The following STK32A variants were observed in gnomAD, a reference collection of about 807,000 sequenced individuals.
The protein encoded by STK32A is serine/threonine-protein kinase 32A.
STK32A carries 41 observed loss-of-function variants against 53.2 expected under a neutral mutation model. The observed-to-expected ratio is 0.77, with a 90% CI of 0.60 to 1.00. The LOEUF (loss-of-function observed/expected upper bound fraction) is 1.00, where lower values mean the gene tolerates loss of function less well. Ranked by LOEUF, STK32A falls within the 50% of genes least tolerant of loss-of-function variation. STK32A has a pLI of 0.00. For synonymous variants in STK32A, 166 were observed against 162.8 expected (o/e 1.02, Z -0.15); for missense variants, 458 against 485.8 (o/e 0.94, Z 0.54).
chr5:147,363,675 G>T (rs1301543974), intron 8 of STK32A, among the ~76,000 whole-genome samples: 3 of 152,166 alleles, frequency 2.0e-5, no homozygotes, highest in African/African-American at 7.2e-5. Context: ...ATTCAAACTG[G>T]CAGCATCTGC....
intron 4 of STK32A, among the ~76,000 whole-genome samples, chr5:147,293,047 C>G (rs1365673620): frequency 6.6e-6 from 1 of 152,144 alleles, no homozygotes; most frequent in East Asian, 1.9e-4. Context: ...GAGAGTACTT[C>G]TCAGAATCCT....
intron 1 of STK32A, among the ~76,000 whole-genome samples, chr5:147,237,739 T>C (rs1753384717): frequency 6.6e-6 from 1 of 152,190 alleles, no homozygotes. Flanking sequence ...CAGCAGTTGG[T>C]TTTTAGTATG....
chr5:147,397,856 G>A, the STK32A span: 2 of 1,590,252 alleles, frequency 1.3e-6, no homozygotes, highest in South Asian at 1.1e-5. Flanking sequence ...CTAGAGGCAG[G>A]GGTGAGAAGC....
intron 4 of STK32A, among the ~76,000 whole-genome samples, chr5:147,303,417 G>A (rs532519832): frequency 1.4e-3 from 215 of 152,214 alleles, no homozygotes; most frequent in African/African-American, 5.0e-3. Flanking sequence ...GCGGGTGGAA[G>A]GGTTCCTAAC....
intron 7 of STK32A, among the ~76,000 whole-genome samples, chr5:147,357,094 CA>C: frequency 6.6e-6 from 1 of 152,030 alleles, no homozygotes; most frequent in Non-Finnish European, 1.5e-5. Flanking sequence ...GTATTTATTT[CA>C]AAAAATAGTG....
chr5:147,244,702 C>A (rs1753711963), intron 2 of STK32A, among the ~76,000 whole-genome samples: 2 of 152,266 alleles, frequency 1.3e-5, no homozygotes, highest in South Asian at 4.1e-4. Flanking sequence ...GTCTCCAAAC[C>A]TAAATAATTA....
In STK32A at chr5:147,279,512, C is replaced by A. The variant is rs55936730; in HGVS notation, c.260+114C>A. 7 of 884,430 alleles carry A rather than the reference C, an allele frequency of 7.9e-6. No homozygotes were observed. In the Admixed American group the frequency reaches 1.2e-4, roughly 15 times the overall value. 54.8% of individuals were successfully genotyped at this position (884,430 alleles called of 1,614,324 possible). ...CTGGCTGGTATCCAGGCTCTTGACA[C>A]AATTGCAAGAAAGAGTTCAAGGATG... On this transcript the variant is annotated intron_variant, in intron 4 of 12. Coordinates refer to ENST00000397936, the MANE Select transcript of STK32A (RefSeq NM_001112724.2).
chr5:147,288,263 C>T (rs1271554276), intron 4 of STK32A, among the ~76,000 whole-genome samples: 1 of 152,196 alleles, frequency 6.6e-6, no homozygotes, highest in Non-Finnish European at 1.5e-5. Context: ...ACAACAGCAA[C>T]TCCCTTTGTC....
intron 2 of STK32A, among the ~76,000 whole-genome samples, chr5:147,254,141 A>G (rs1219523831): frequency 6.6e-6 from 1 of 152,162 alleles, no homozygotes; most frequent in Non-Finnish European, 1.5e-5. Context: ...CTCCATTTTG[A>G]TACTGTACCA....
the STK32A span, chr5:147,393,157 A>C: frequency 1.3e-5 from 2 of 152,150 alleles, no homozygotes; most frequent in Non-Finnish European, 2.9e-5. Flanking sequence ...AAGCGTCTTT[A>C]AGCTGTGGGT....
At position 147,373,157 on chromosome 5, in the gene STK32A, T is replaced by A; in HGVS notation, c.778-12T>A. ...CTTTCTTATGGCCTTGATGTTTGCA[T>A]TTTATTGGCAGCTACTCGAACCTAA... On this transcript the variant is annotated splice_polypyrimidine_tract_variant and intron_variant, in intron 9 of 12. Coordinates refer to ENST00000397936, the MANE Select transcript of STK32A (RefSeq NM_001112724.2). The A allele has an allele frequency of 6.2e-7, 1 of 1,612,960 alleles. No individual in the cohort carries two copies. Among genetic ancestry groups the A allele is most frequent in the Non-Finnish European group, 8.5e-7 (1 of 1,179,402 alleles).
chr5:147,329,349 T>A (rs1166772374), intron 5 of STK32A, among the ~76,000 whole-genome samples: 1 of 152,170 alleles, frequency 6.6e-6, no homozygotes, highest in African/African-American at 2.4e-5. Context: ...TAGAAATCAG[T>A]ACCTTGACAG....
At chr5:147,401,047 C>T in the STK32A span, among the ~76,000 whole-genome samples, 8 of 152,150 alleles carry the variant, frequency 5.3e-5, no homozygotes, top group African/African-American at 1.9e-4. Flanking sequence ...GGGATTAGCT[C>T]ATCTCTTTTG....
chr5:147,242,490 A>T (rs1189379988), intron 2 of STK32A, among the ~76,000 whole-genome samples: 1 of 150,548 alleles, frequency 6.6e-6, no homozygotes, highest in Non-Finnish European at 1.5e-5. Flanking sequence ...GATCTTACAG[A>T]CAGTGACAGT....
chr5:147,330,999 T>C (rs866547202), intron 5 of STK32A, among the ~76,000 whole-genome samples: 4 of 152,236 alleles, frequency 2.6e-5, no homozygotes, highest in African/African-American at 4.8e-5. Flanking sequence ...AGCAGTCACA[T>C]TTTATTTTCT....
intron 4 of STK32A, among the ~76,000 whole-genome samples, chr5:147,293,891 T>C (rs1752729059): frequency 6.9e-6 from 1 of 144,304 alleles, no homozygotes; most frequent in African/African-American, 2.5e-5. Flanking sequence ...ATAAAATTCT[T>C]ATTCAAAGGA....
intron 4 of STK32A, among the ~76,000 whole-genome samples, chr5:147,318,810 A>T (rs1468205042): frequency 6.6e-6 from 1 of 151,696 alleles, no homozygotes; most frequent in Admixed American, 6.6e-5. Context: ...CCAAATCCAT[A>T]TGCTTTTAAA....
chr5:147,327,194 A>C (rs978428172), intron 5 of STK32A, among the ~76,000 whole-genome samples: 4 of 152,170 alleles, frequency 2.6e-5, no homozygotes, highest in African/African-American at 9.7e-5. Context: ...TCAATCTGAG[A>C]CTAAGAACTC....
At chr5:147,262,073 G>A (rs1187627814) in intron 2 of STK32A, among the ~76,000 whole-genome samples, 1 of 152,008 alleles carries the variant, frequency 6.6e-6, no homozygotes, top group African/African-American at 2.4e-5. Context: ...ACTTTTCTTG[G>A]GTTATCTCGT....
Sources: allele counts gnomAD v4.1 joint callset (sites outside exome capture counted in the v4.1 genomes callset), GRCh38; gene constraint gnomAD v4.1.1; transcripts MANE v1.5; gene names NCBI Gene and HGNC (gene_info 2026-07-23, HGNC 2026-07-21).